CHSY3: variants seen among roughly 807,000 people sequenced by gnomAD.
CHSY3 encodes the protein chondroitin sulfate synthase 3.
Under a neutral mutation model 67.2 loss-of-function variants are expected in CHSY3, and 35 were observed. The observed-to-expected ratio is 0.52, with a 90% CI of 0.40 to 0.69. The LOEUF (loss-of-function observed/expected upper bound fraction) is 0.69, where lower values mean the gene tolerates loss of function less well. Among genes scored for constraint, CHSY3 ranks in the 30% least tolerant of loss-of-function variants. The pLI is 0.00. For missense variants in CHSY3, 1,069 were observed against 1,138.5 expected (o/e 0.94, Z 0.88); for synonymous variants, 474 against 434.7 (o/e 1.09, Z -1.12).
chr5:130,012,105 A>T (rs1764080319), intron 2 of CHSY3, among the ~76,000 whole-genome samples: 1 of 152,228 alleles, frequency 6.6e-6, no homozygotes, highest in Non-Finnish European at 1.5e-5. Flanking sequence ...AATATTTTAA[A>T]ATTCATGTGG....
At chr5:129,967,094 C>A (rs1424085478) in intron 2 of CHSY3, among the ~76,000 whole-genome samples, 1 of 151,910 alleles carries the variant, frequency 6.6e-6, no homozygotes, top group African/African-American at 2.4e-5. Context: ...CCTTGTTTAA[C>A]ATCAGAATTC....
chr5:129,905,004 G>C lies in CHSY3; in HGVS notation c.175G>C (p.Ala59Pro), dbSNP rs1409499121. 1 of 1,565,146 alleles carries C rather than the reference G, an allele frequency of 6.4e-7. No homozygotes were observed. Among genetic ancestry groups the C allele is most frequent in the Middle Eastern group, 1.7e-4 (1 of 5,760 alleles). Reference sequence around the variant, plus strand: ...CTCTGCTGCTGGCCCCCGCGCCGGCGCTCAGCAGCCGCTCCCCCAGCCCCA... The same window carrying C: ...CTCTGCTGCTGGCCCCCGCGCCGGCCCTCAGCAGCCGCTCCCCCAGCCCCA... ...GRSAAGPRAG[A>P]QQPLPQPQSR... The change falls in exon 1 of 3, where the codon GCT becomes CCT. Residue 59 changes from alanine (A) to proline (P), a missense_variant. Ala to Pro is a conservative substitution (Grantham distance 27, BLOSUM62 -1). Around this residue, in one of 5 missense-constraint regions of CHSY3, gnomAD observed 309 missense variants for 262.5 expected, o/e 1.18. Coordinates refer to ENST00000305031, the MANE Select transcript of CHSY3 (RefSeq NM_175856.5).
intron 2 of CHSY3, among the ~76,000 whole-genome samples, chr5:130,017,239 G>A (rs960781204): frequency 3.3e-5 from 5 of 152,040 alleles, no homozygotes; most frequent in African/African-American, 4.8e-5. Flanking sequence ...GTGGAAGTTC[G>A]AGTGTATGGT....
At chr5:130,116,805 G>A (rs1767820396) in intron 2 of CHSY3, among the ~76,000 whole-genome samples, 1 of 151,990 alleles carries the variant, frequency 6.6e-6, no homozygotes, top group African/African-American at 2.4e-5. Flanking sequence ...CAGCAGTGTA[G>A]TAAGAGACTT....
intron 2 of CHSY3, among the ~76,000 whole-genome samples, chr5:130,097,969 A>G (rs1434003830): frequency 6.6e-6 from 1 of 152,110 alleles, no homozygotes; most frequent in Non-Finnish European, 1.5e-5. Flanking sequence ...GCGCCCCTGC[A>G]CTCCAGCCTG....
chr5:130,064,337 C>T (rs374592228), intron 2 of CHSY3, among the ~76,000 whole-genome samples: 8 of 152,162 alleles, frequency 5.3e-5, no homozygotes, highest in South Asian at 2.1e-4. Context: ...CCATTTTACA[C>T]GGAAAAATTG....
chr5:129,922,747 A>G lies in CHSY3; in HGVS notation c.1086+14387A>G, dbSNP rs556994647. Among the ~76,000 whole-genome samples the G allele has an allele frequency of 1.5e-4, 23 of 152,176 alleles. No homozygotes were observed. The South Asian group carries it at 2.1e-3, about 14-fold the overall frequency. On this transcript the variant is annotated intron_variant, in intron 2 of 2. Transcript: ENST00000305031. The stretch of plus-strand genomic sequence containing the variant: ...ATTTTGGTTATCAATCTCTTACTAG[A>G]TATGTGGTTTACAATCATTTTCTCC...
intron 2 of CHSY3, among the ~76,000 whole-genome samples, chr5:130,064,726 TC>T (rs1765827602): frequency 6.6e-6 from 1 of 152,122 alleles, no homozygotes; most frequent in African/African-American, 2.4e-5. Context: ...CCAGAATTCT[TC>T]CAAGTGATTT....
chr5:130,084,327 A>G (rs978654620), intron 2 of CHSY3, among the ~76,000 whole-genome samples: 2 of 152,050 alleles, frequency 1.3e-5, no homozygotes, highest in Non-Finnish European at 2.9e-5. Context: ...TTTTCTCACC[A>G]CAAAGAAATC....
chr5:130,090,344 C>T (rs1400019919), intron 2 of CHSY3, among the ~76,000 whole-genome samples: 1 of 152,084 alleles, frequency 6.6e-6, no homozygotes, highest in African/African-American at 2.4e-5. Context: ...CTTCCAATTC[C>T]CTAGCATGCT....
chr5:129,905,692 G>A lies in CHSY3; in HGVS notation c.802+61G>A. On this transcript the variant is annotated intron_variant, in intron 1 of 2. Coordinates refer to ENST00000305031, the MANE Select transcript of CHSY3 (RefSeq NM_175856.5). Reference sequence around the variant, plus strand: ...CTCCCCGACTCCTTTCTCTGTAACCGGTCCTAGCCCCTGCCCAGCCCCTCC... The same window carrying A: ...CTCCCCGACTCCTTTCTCTGTAACCAGTCCTAGCCCCTGCCCAGCCCCTCC... 1.9e-6 allele frequency: 3 copies of A among 1,573,754 alleles called. No homozygotes were observed. In the South Asian group the frequency reaches 3.5e-5, roughly 18 times the overall value.
At chr5:129,929,571 T>G (rs982006289) in intron 2 of CHSY3, among the ~76,000 whole-genome samples, 1 of 152,304 alleles carries the variant, frequency 6.6e-6, no homozygotes, top group Non-Finnish European at 1.5e-5. Context: ...TAGTGTAGGT[T>G]AGAATGAAGA....
chr5:129,967,480 A>T (rs1265599636), intron 2 of CHSY3, among the ~76,000 whole-genome samples: 2 of 151,874 alleles, frequency 1.3e-5, no homozygotes. Context: ...TTCCTGCTAA[A>T]TATGGCATTT....
intron 2 of CHSY3, among the ~76,000 whole-genome samples, chr5:130,148,040 T>C (rs1769122975): frequency 6.6e-6 from 1 of 152,082 alleles, no homozygotes; most frequent in Non-Finnish European, 1.5e-5. Flanking sequence ...TGTTTCCCTT[T>C]ATGTGTATAT....
intron 2 of CHSY3, among the ~76,000 whole-genome samples, chr5:130,143,734 G>GTGTGTATATATATATATATATA (rs1223966105): frequency 4.2e-5 from 4 of 94,656 alleles, no homozygotes; most frequent in African/African-American, 4.4e-5. Flanking sequence ...GTGTGTGTGT[G>GTGTGTATATATATATATATATA]TATATATATA....
chr5:129,963,001 G>A (rs1762376485), intron 2 of CHSY3, among the ~76,000 whole-genome samples: 1 of 151,882 alleles, frequency 6.6e-6, no homozygotes, highest in Non-Finnish European at 1.5e-5. Context: ...ACTTCAGGGT[G>A]GTTGCTGGGA....
At position 130,056,831 on chromosome 5, in the gene CHSY3, A is replaced by T. The variant is rs147215097; in HGVS notation, c.1087-127398A>T. Among the ~76,000 whole-genome samples the T allele has an allele frequency of 2.0e-3, 309 of 151,908 alleles. 3 individuals are homozygous for T. Among genetic ancestry groups the T allele is most frequent in the African/African-American group, 6.8e-3 (283 of 41,426 alleles). The stretch of plus-strand genomic sequence containing the variant: ...GTATCTGTTTGATGGGGTTGTTAAG[A>T]GGACCATGTGAGTCAATACTCAGAA... On this transcript the variant is annotated intron_variant, in intron 2 of 2. Coordinates refer to ENST00000305031, the MANE Select transcript of CHSY3 (RefSeq NM_175856.5).
Position 130,096,459 on chromosome 5 carries a change from A to G in CHSY3, c.1087-87770A>G, listed in dbSNP as rs539356690. 2.0e-4 allele frequency among the ~76,000 whole-genome samples: 30 copies of G among 152,250 alleles called. No homozygotes were observed. The East Asian group carries it at 3.3e-3, about 17-fold the overall frequency. On this transcript the variant is annotated intron_variant, in intron 2 of 2. Coordinates refer to ENST00000305031, the MANE Select transcript of CHSY3 (RefSeq NM_175856.5). ...GTGTGAGAAATATTTTAAAAGTTCT[A>G]TCGTGCACTTTGGTTAGTAGTATTG... is the stretch of plus-strand genomic sequence containing the variant.
Position 130,150,002 on chromosome 5 carries a change from A to C in CHSY3, c.1087-34227A>C, listed in dbSNP as rs188111650. ...TGTACAAATACATACAAAAAGACTG[A>C]AAGTATGTATATAAAAATAATGATG... On this transcript the variant is annotated intron_variant, in intron 2 of 2. Transcript: ENST00000305031. Among the ~76,000 whole-genome samples the C allele has an allele frequency of 2.0e-4, 31 of 152,350 alleles. 1 individual carries two copies. In the East Asian group the frequency reaches 5.8e-3, roughly 28 times the overall value.
Sources: gnomAD v4.1 joint callset for allele counts (sites outside exome capture counted in the v4.1 genomes callset) on GRCh38, gnomAD v4.1.1 for gene constraint, gnomAD v4.1.1 regional missense constraint, MANE v1.5 for transcripts, NCBI Gene and HGNC (gene_info 2026-07-23, HGNC 2026-07-21) for gene names.